Variants in CA7 observed in about 807,000 individuals in gnomAD.
CA7 encodes the protein carbonic anhydrase 7.
In CA7, 13 loss-of-function variants were observed where a neutral mutation model predicts 31.4. The ratio of observed to expected loss-of-function variants is 0.41; its 90% CI spans 0.27 to 0.66. The LOEUF (loss-of-function observed/expected upper bound fraction) is 0.66, where lower values mean the gene tolerates loss of function less well. CA7 is among the 30% of genes least tolerant of loss of function. The pLI is 0.28. For synonymous variants in CA7, 128 were observed against 133.2 expected, an observed-to-expected ratio of 0.96 and a Z score of 0.27; for missense variants, 215 against 351.0, an observed-to-expected ratio of 0.61 and a Z score of 3.10.
At chr16:66,847,382 G>A (rs1038681255) in intron 2 of CA7, among the ~76,000 whole-genome samples, 155 bp downstream of exon 2, 9 of 152,224 alleles carry the variant, frequency 5.9e-5, no homozygotes, top group Admixed American at 3.3e-4. Flanking sequence ...GTCTCCTTAT[G>A]TATAAAGTGA....
chr16:66,850,440 C>CA (rs962366519), intron 2 of CA7, 101 bp from the exon 3 acceptor site: 8,872 of 555,998 alleles, frequency 0.016, no homozygotes, highest in Non-Finnish European at 0.018. Flanking sequence ...GACCCTGACT[C>CA]AAAAAAAAAA....
intron 3 of CA7, 125 bp downstream of exon 3, chr16:66,850,784 T>TA (rs1961029117): frequency 2.9e-6 from 2 of 693,776 alleles, no homozygotes; most frequent in Non-Finnish European, 5.2e-6. Flanking sequence ...CCCGGGGCCT[T>TA]TGGGAGAGAT....
At chr16:66,849,311 G>A in intron 2 of CA7, among the ~76,000 whole-genome samples, 1 of 152,182 alleles carries the variant, frequency 6.6e-6, no homozygotes, top group Non-Finnish European at 1.5e-5. Flanking sequence ...GGCCTGTCCA[G>A]GAAGGTAGAG....
intron 2 of CA7, among the ~76,000 whole-genome samples, chr16:66,848,122 G>T (rs1960966182): frequency 6.6e-6 from 1 of 152,118 alleles, no homozygotes; most frequent in African/African-American, 2.4e-5. Flanking sequence ...AAATTAAAAG[G>T]CAAAGAGGAT....
intron 4 of CA7, 39 bp from the exon 5 acceptor site, chr16:66,851,625 A>G: frequency 6.2e-7 from 1 of 1,613,548 alleles, no homozygotes; most frequent in Non-Finnish European, 8.5e-7. Context: ...GTTCTAGAAC[A>G]CAGTGGGCTC....
chr16:66,847,474 G>T (rs1423419712), intron 2 of CA7, among the ~76,000 whole-genome samples: 2 of 152,228 alleles, frequency 1.3e-5, no homozygotes, highest in Admixed American at 1.3e-4. Context: ...GCACACAGCA[G>T]ATGCTCAGGA....
At position 66,851,739 on chromosome 16, in the gene CA7, C is replaced by A; in HGVS notation, c.516+13C>A. On this transcript the variant is annotated intron_variant, in intron 5 of 6. Transcript: ENST00000338437. ...GGTCCGGTTCAAGGTAAAGTCCCTG[C>A]CCCTGACCCAAGCAGCCCGATGGGG... 3 of 1,611,372 alleles carry A rather than the reference C, an allele frequency of 1.9e-6. No individual in the cohort carries two copies. The highest frequency in any genetic ancestry group is 2.5e-6 in the Non-Finnish European group (3 of 1,178,434).
intron 2 of CA7, 94 bp downstream of exon 2, chr16:66,847,321 G>A: frequency 4.5e-6 from 5 of 1,106,234 alleles, no homozygotes; most frequent in Non-Finnish European, 6.7e-6. Flanking sequence ...GCTATGGTGG[G>A]TAAGAAAGGT....
chr16:66,851,504 T>G lies in CA7; in HGVS notation c.399T>G (p.Phe133Leu). The change falls in exon 4 of 7, where the codon TTT (phenylalanine) becomes TTG (leucine). Residue 133 changes from phenylalanine (F) to leucine (L), a missense_variant. Coordinates refer to ENST00000338437, the MANE Select transcript of CA7 (RefSeq NM_005182.3). The part of the protein sequence containing the change: ...VHWNAKKYST[F>L]GEAASAPDGL... ...GGAATGCCAAGAAGTACAGCACTTT[T>G]GGGGAGGCGGCCTCAGCACCTGATG... 6.2e-7 allele frequency: 1 copy of G among 1,614,118 alleles called. No homozygotes were observed. Among genetic ancestry groups the G allele is most frequent in the South Asian group, 1.1e-5 (1 of 91,082 alleles).
rs980406179 is a variant in CA7 at position 66,844,421 on chromosome 16, G to A, written c.-67G>A. 7.9e-6 allele frequency: 11 copies of A among 1,387,184 alleles called. No individual in the cohort carries two copies. In the African/African-American group the frequency reaches 1.0e-4, roughly 13 times the overall value. The allele number at this position is 1,387,184 out of a possible 1,614,324, so 85.9% of individuals were successfully genotyped here. A position where few individuals can be genotyped will look rare whatever the true frequency, so the allele number is the denominator to read the frequency against. ...TGCTCCGCGGTAGCGAGCGGGGCCG[G>A]AGCCGCAGCCCGAACGAGCGGACCG... On this transcript the variant is annotated 5_prime_UTR_variant, in exon 1 of 7. Coordinates refer to ENST00000338437, the MANE Select transcript of CA7 (RefSeq NM_005182.3).
At chr16:66,845,864 T>C (rs981705454) in intron 1 of CA7, among the ~76,000 whole-genome samples, 5 of 152,156 alleles carry the variant, frequency 3.3e-5, no homozygotes, top group Non-Finnish European at 7.4e-5. Flanking sequence ...CAGAGCTGGA[T>C]TGTCCAGTCG....
rs768702926 is a variant in CA7 at position 66,850,602 on chromosome 16, C to T, written c.300C>T (p.Gly100=). 6.2e-7 allele frequency: 1 copy of T among 1,614,156 alleles called. No homozygotes were observed. Among genetic ancestry groups the T allele is most frequent in the East Asian group, 2.2e-5 (1 of 44,880 alleles). Residue 100 remains glycine, a synonymous_variant, in exon 3 of 7, where the codon GGC becomes GGT. Coordinates refer to ENST00000338437, the MANE Select transcript of CA7 (RefSeq NM_005182.3). The part of the protein sequence containing the change: ...YRLKQFHFHW[G]KKHDVGSEHT... ...TCAAGCAGTTTCACTTCCACTGGGG[C>T]AAGAAGCACGATGTGGGTTCTGAGC...
Position 66,847,235 on chromosome 16 carries a change from GC to G in CA7, c.238+12del. ...ACAGCGATGACCGAACCGGTAAGTG[GC>G]CCCTGCCAAAGCCTGGCACCTGGCC... On this transcript the variant is annotated intron_variant, in intron 2 of 6. Coordinates refer to ENST00000338437, the MANE Select transcript of CA7 (RefSeq NM_005182.3). 2 of 1,613,892 alleles carry G rather than the reference GC, an allele frequency of 1.2e-6. No homozygotes were observed. The highest frequency in any genetic ancestry group is 1.7e-6 in the Non-Finnish European group (2 of 1,179,838).
chr16:66,852,980 C>T, intron 6 of CA7, 113 bp downstream of exon 6: 1 of 958,246 alleles, frequency 1.0e-6, no homozygotes, highest in Non-Finnish European at 1.5e-6. Flanking sequence ...CAAGGTTCCT[C>T]CCCATTTTTT....
chr16:66,851,363 T>C, intron 3 of CA7, 100 bp from the exon 4 acceptor site: 2 of 1,003,238 alleles, frequency 2.0e-6, no homozygotes, highest in South Asian at 1.3e-5. Context: ...TTCCCCTTCC[T>C]GCAAAGAGGC....
rs778768596 is a variant in CA7, at chr16:66,852,774, C to T, written c.579C>T (p.Tyr193=). The change falls in exon 6 of 7, where the codon TAC becomes TAT. Residue 193 remains tyrosine, a synonymous_variant. Coordinates refer to ENST00000338437, the MANE Select transcript of CA7 (RefSeq NM_005182.3). ...GCCTCCTGCCTGCCAGCCGGCACTACTGGACCTACCCGGGCTCTCTGACGA... is the reference window on the plus strand; with the variant it reads ...GCCTCCTGCCTGCCAGCCGGCACTATTGGACCTACCCGGGCTCTCTGACGA... The part of the protein sequence containing the change: ...PKCLLPASRH[Y]WTYPGSLTTP... 1.7e-5 allele frequency: 28 copies of T among 1,613,984 alleles called. No homozygotes were observed. Among genetic ancestry groups the T allele is most frequent in the Non-Finnish European group, 3.4e-6 (4 of 1,180,012 alleles).
intron 2 of CA7, 34 bp downstream of exon 2, chr16:66,847,261 C>A: frequency 1.3e-6 from 2 of 1,598,532 alleles, no homozygotes; most frequent in Non-Finnish European, 1.7e-6. Context: ...GGCACCTGGC[C>A]CCTGGCCCCT....
chr16:66,851,259 A>G (rs1961041736), intron 3 of CA7, among the ~76,000 whole-genome samples: 1 of 152,194 alleles, frequency 6.6e-6, no homozygotes, highest in Non-Finnish European at 1.5e-5. Flanking sequence ...GGAGCCCAGA[A>G]AAGAATTGGG....
intron 3 of CA7, 77 bp from the exon 4 acceptor site, chr16:66,851,385 TG>T: frequency 8.6e-7 from 1 of 1,163,520 alleles, no homozygotes; most frequent in Non-Finnish European, 1.3e-6. Context: ...AGGGGTCTGG[TG>T]GGAGTGAGGG....
Sources: allele counts gnomAD v4.1 joint callset (sites outside exome capture counted in the v4.1 genomes callset), GRCh38; gene constraint gnomAD v4.1.1; transcripts MANE v1.5; gene names NCBI Gene and HGNC (gene_info 2026-07-23, HGNC 2026-07-21).